The following INVS variants were observed in gnomAD, a reference collection of about 807,000 sequenced individuals.
INVS encodes the protein inversion of embryo turning homolog.
A neutral mutation model predicts 108.8 loss-of-function variants in INVS; 86 were observed. That is an observed-to-expected ratio of 0.79 (90% CI 0.66 to 0.95). The LOEUF (loss-of-function observed/expected upper bound fraction) is 0.95, where lower values mean the gene tolerates loss of function less well. Among genes scored for constraint, INVS ranks in the 40% least tolerant of loss-of-function variants. The probability of loss-of-function intolerance (pLI) is 0.00; values close to 1 mark genes in which losing one functional copy is unlikely to be tolerated. For missense variants in INVS, 1,169 were observed against 1,297.4 expected (o/e 0.90, Z 1.52); for synonymous variants, 455 against 473.5 (o/e 0.96, Z 0.51).
intron 3 of INVS, among the ~76,000 whole-genome samples, chr9:100,176,264 G>A (rs975086874): frequency 3.6e-4 from 54 of 152,096 alleles, no homozygotes; most frequent in Middle Eastern, 3.4e-3. Flanking sequence ...TTTTTCCTAT[G>A]GGATCTTTCT....
intron 15 of INVS, 34 bp from the exon 16 acceptor site, chr9:100,297,902 C>T: frequency 1.2e-6 from 2 of 1,612,950 alleles, no homozygotes; most frequent in East Asian, 4.5e-5. Flanking sequence ...GTATCCCTGG[C>T]CAAAGAAAAG....
chr9:100,231,270 G>C (rs918280854), intron 5 of INVS, among the ~76,000 whole-genome samples: 16 of 151,918 alleles, frequency 1.1e-4, no homozygotes, highest in Admixed American at 1.0e-3. Context: ...GTATTATTTT[G>C]TATATGCAAT....
chr9:100,202,599 G>A (rs957553018), intron 3 of INVS, among the ~76,000 whole-genome samples: 3 of 150,584 alleles, frequency 2.0e-5, no homozygotes, highest in African/African-American at 4.9e-5. Flanking sequence ...CTTTCTTTCC[G>A]CATATCACTT....
intron 10 of INVS, 53 bp from the exon 11 acceptor site, chr9:100,264,769 C>A: frequency 8.4e-7 from 1 of 1,190,088 alleles, no homozygotes; most frequent in Non-Finnish European, 1.3e-6. Context: ...TAAATAACCA[C>A]ATATCCAAAA....
chr9:100,100,716 T>TTATATATACATATATAATATATATATTA (rs1491357214), intron 1 of INVS, among the ~76,000 whole-genome samples: 2 of 32,556 alleles, frequency 6.1e-5, no homozygotes, highest in Non-Finnish European at 5.4e-5. Context: ...AATATATATA[T>TTATATATACATATATAATATATATATTA]TATATGTACA....
At chr9:100,191,048 A>T (rs1194219396) in intron 3 of INVS, among the ~76,000 whole-genome samples, 1 of 151,766 alleles carries the variant, frequency 6.6e-6, no homozygotes, top group Non-Finnish European at 1.5e-5. Context: ...TTTTATAGAG[A>T]TGGGTTCTCT....
At chr9:100,137,786 G>T (rs1208023134) in intron 3 of INVS, among the ~76,000 whole-genome samples, 1 of 152,022 alleles carries the variant, frequency 6.6e-6, no homozygotes, top group African/African-American at 2.4e-5. Context: ...GCAAATATAG[G>T]TACTTTTTCC....
chr9:100,300,641 A>C lies in INVS; in HGVS notation c.3165A>C (p.Ser1055=). Residue 1055 remains serine, a synonymous_variant, in exon 17 of 17, where the codon TCA becomes TCC. Coordinates refer to ENST00000262457, the MANE Select transcript of INVS (RefSeq NM_014425.5). The stretch of plus-strand genomic sequence containing the variant: ...AGAACTTTTCTTATAACCTGCAATC[A>C]GCTACTCAGCCAAAAAACAAAACAA... The part of the protein sequence containing the change: ...RSKNFSYNLQ[S]ATQPKNKTKP The C allele has an allele frequency of 3.7e-6, 6 of 1,613,864 alleles. No individual in the cohort carries two copies. The highest frequency in any genetic ancestry group is 5.1e-6 in the Non-Finnish European group (6 of 1,179,792).
rs183284812 is a variant in INVS at position 100,245,556 on chromosome 9, A to G, written c.907-1060A>G. 5.9e-5 allele frequency among the ~76,000 whole-genome samples: 9 copies of G among 152,308 alleles called. No individual in the cohort carries two copies. The East Asian group carries it at 1.7e-3, about 29-fold the overall frequency. ...CAGCCTCCCAAAGTGCTGGGATTAC[A>G]GGCGTGAGCCACTGCGCCCGGCCCA... is the stretch of plus-strand genomic sequence containing the variant. On this transcript the variant is annotated intron_variant, in intron 7 of 16. Transcript: ENST00000262457.
chr9:100,300,806 G>T lies in INVS; in HGVS notation c.*132G>T. 1 of 695,256 alleles carries T rather than the reference G, an allele frequency of 1.4e-6. No homozygotes were observed. Among genetic ancestry groups the T allele is most frequent in the South Asian group, 1.6e-5 (1 of 63,822 alleles). The allele number at this position is 695,256 out of a possible 1,614,324, so 43.1% of individuals were successfully genotyped here. ...CCTGAAGGCTGATTCACCTAAAAAT[G>T]TGTTAACTGAAAGAAAATGTCAGAA... On this transcript the variant is annotated 3_prime_UTR_variant, in exon 17 of 17. Transcript: ENST00000262457.
chr9:100,138,460 C>T (rs1828308074), intron 3 of INVS, among the ~76,000 whole-genome samples: 1 of 151,842 alleles, frequency 6.6e-6, no homozygotes, highest in Non-Finnish European at 1.5e-5. Context: ...CTCAGAGCAA[C>T]ATCTTTTTAT....
At chr9:100,123,351 T>C (rs975443636) in intron 2 of INVS, among the ~76,000 whole-genome samples, 14 of 152,210 alleles carry the variant, frequency 9.2e-5, no homozygotes, top group African/African-American at 3.4e-4. Context: ...AATATAATTA[T>C]ATAATATGTG....
At chr9:100,227,489 G>A (rs911296759) in intron 4 of INVS, among the ~76,000 whole-genome samples, 3 of 149,444 alleles carry the variant, frequency 2.0e-5, no homozygotes, top group Admixed American at 6.6e-5. Context: ...AGGGAAGCCA[G>A]TCTTATAGAA....
chr9:100,264,960 T>G, intron 11 of INVS, 32 bp downstream of exon 11: 1 of 1,292,730 alleles, frequency 7.7e-7, no homozygotes. Context: ...TTTTTTTTTT[T>G]GAGATGGCTT....
intron 3 of INVS, among the ~76,000 whole-genome samples, chr9:100,223,370 T>C (rs959145816): frequency 1.3e-5 from 2 of 152,164 alleles, no homozygotes; most frequent in Non-Finnish European, 2.9e-5. Context: ...GTGCTAGAAT[T>C]ACAGGCATGA....
At position 100,221,860 on chromosome 9, in the gene INVS, T is replaced by C. The variant is rs569855950; in HGVS notation, c.274-4202T>C. On this transcript the variant is annotated intron_variant, in intron 3 of 16. Coordinates refer to ENST00000262457, the MANE Select transcript of INVS (RefSeq NM_014425.5). ...CTATATTATTATAATTGTTCTATTT[T>C]ATTATTAGTTATTGTTAATCTTTTA... Among the ~76,000 whole-genome samples the C allele has an allele frequency of 3.3e-5, 5 of 151,950 alleles. No homozygotes were observed. In the South Asian group the frequency reaches 8.3e-4, roughly 25 times the overall value.
chr9:100,198,215 C>G (rs746784822), intron 3 of INVS, among the ~76,000 whole-genome samples: 2 of 130,592 alleles, frequency 1.5e-5, no homozygotes, highest in Non-Finnish European at 3.1e-5. Flanking sequence ...GTTTCTTAAT[C>G]TTTCCTCAAC....
chr9:100,113,668 G>A (rs777219175), intron 2 of INVS, among the ~76,000 whole-genome samples: 4 of 151,958 alleles, frequency 2.6e-5, no homozygotes, highest in Non-Finnish European at 5.9e-5. Context: ...TGTATAGATT[G>A]TGTAATGATC....
At chr9:100,262,681 A>G (rs1009845286) in intron 10 of INVS, among the ~76,000 whole-genome samples, 4 of 149,160 alleles carry the variant, frequency 2.7e-5, no homozygotes, top group Non-Finnish European at 5.9e-5. Context: ...CATCTCCTCA[A>G]AGGACTTATT....
Sources: gnomAD v4.1 joint callset for allele counts (sites outside exome capture counted in the v4.1 genomes callset) on GRCh38, gnomAD v4.1.1 for gene constraint, MANE v1.5 for transcripts, NCBI Gene and HGNC (gene_info 2026-07-23, HGNC 2026-07-21) for gene names.